Variants in MGAT4C observed in about 807,000 individuals in gnomAD.
The protein encoded by MGAT4C is alpha-1,3-mannosyl-glycoprotein 4-beta-N-acetylglucosaminyltransferase C.
MGAT4C carries 19 observed loss-of-function variants against 40.1 expected under a neutral mutation model. The ratio of observed to expected loss-of-function variants is 0.47; its 90% CI spans 0.33 to 0.70. The LOEUF is 0.70. Ranked by LOEUF, MGAT4C falls within the 30% of genes least tolerant of loss-of-function variation. MGAT4C has a pLI of 0.02. For missense variants in MGAT4C, 491 were observed against 563.2 expected, an observed-to-expected ratio of 0.87 and a Z score of 1.30; for synonymous variants, 181 against 187.1, an observed-to-expected ratio of 0.97 and a Z score of 0.27.
intron 1 of MGAT4C, among the ~76,000 whole-genome samples, chr12:86,116,124 A>T (rs186017912): frequency 5.9e-5 from 9 of 152,080 alleles, no homozygotes; most frequent in Admixed American, 5.3e-4. Context: ...CAACTATAGC[A>T]GGAAAAATGA....
rs983906533 is a variant in MGAT4C at position 86,631,673 on chromosome 12, A to C, written c.-229+95536T>G. Among the ~76,000 whole-genome samples, 20 of 152,068 alleles carry C rather than the reference A, an allele frequency of 1.3e-4. 1 individual carries two copies. The highest frequency in any genetic ancestry group is 4.4e-4 in the African/African-American group (18 of 41,348). On this transcript the variant is annotated intron_variant, in intron 2 of 7. Transcript: ENST00000548651. ...ATGGGGAAAGGATTCCCTATTTAATAAATGGTGCTGGGAAAACTGGCTAGC... is the reference window on the plus strand; with the variant it reads ...ATGGGGAAAGGATTCCCTATTTAATCAATGGTGCTGGGAAAACTGGCTAGC...
intron 2 of MGAT4C, among the ~76,000 whole-genome samples, chr12:86,635,837 A>T (rs1963203080): frequency 6.6e-6 from 1 of 151,192 alleles, no homozygotes. Context: ...AACCATGTTC[A>T]GGTAATTTTT....
At chr12:86,519,887 G>C (rs1041024717) in intron 2 of MGAT4C, among the ~76,000 whole-genome samples, 3 of 151,956 alleles carry the variant, frequency 2.0e-5, no homozygotes, top group Non-Finnish European at 2.9e-5. Flanking sequence ...TTGTGCATAA[G>C]ATTTTTTAGC....
intron 3 of MGAT4C, among the ~76,000 whole-genome samples, chr12:86,432,627 A>AT (rs1957061711): frequency 6.6e-6 from 1 of 152,042 alleles, no homozygotes; most frequent in African/African-American, 2.4e-5. Context: ...AGGCAAAAGA[A>AT]CACAGGGGAA....
chr12:86,482,788 G>A (rs779276854), intron 2 of MGAT4C, among the ~76,000 whole-genome samples: 19 of 152,136 alleles, frequency 1.2e-4, no homozygotes, highest in Non-Finnish European at 2.2e-4. Context: ...ATGATACAAC[G>A]CATAATTTTC....
chr12:86,486,644 T>C (rs1017341264), intron 2 of MGAT4C, among the ~76,000 whole-genome samples: 31 of 152,228 alleles, frequency 2.0e-4, no homozygotes, highest in Middle Eastern at 6.8e-3. Context: ...CTTTAATAAT[T>C]CACTGATGGC....
At chr12:86,489,335 A>G (rs1224015098) in intron 2 of MGAT4C, among the ~76,000 whole-genome samples, 1 of 151,898 alleles carries the variant, frequency 6.6e-6, no homozygotes, top group Non-Finnish European at 1.5e-5. Flanking sequence ...TACATTCATC[A>G]CCTTTCAGTT....
chr12:86,195,604 C>T (rs941937514), intron 1 of MGAT4C, among the ~76,000 whole-genome samples: 12 of 152,102 alleles, frequency 7.9e-5, no homozygotes, highest in African/African-American at 2.9e-4. Context: ...CTGATTCTAT[C>T]ACACACAGAT....
intron 2 of MGAT4C, among the ~76,000 whole-genome samples, chr12:86,696,063 T>A (rs548597014): frequency 6.6e-6 from 1 of 151,774 alleles, no homozygotes; most frequent in East Asian, 2.0e-4. Flanking sequence ...TACAAAAAAA[T>A]TAGCTGGGCG....
intron 2 of MGAT4C, among the ~76,000 whole-genome samples, chr12:86,694,068 T>C (rs145291545): frequency 1.3e-5 from 2 of 152,308 alleles, no homozygotes; most frequent in African/African-American, 4.8e-5. Context: ...TCTAAATTAT[T>C]CTGCCACATG....
At chr12:86,401,258 A>ATG (rs1292765324) in intron 3 of MGAT4C, among the ~76,000 whole-genome samples, 27 of 147,900 alleles carry the variant, frequency 1.8e-4, no homozygotes, top group African/African-American at 6.8e-4. Context: ...TAACATATAT[A>ATG]TATGTGTGTG....
chr12:86,120,537 G>T (rs4277182), intron 1 of MGAT4C, among the ~76,000 whole-genome samples: 2 of 152,144 alleles, frequency 1.3e-5, no homozygotes, highest in African/African-American at 4.8e-5. Context: ...CCTCTGAGAC[G>T]AAGCTTCCAG....
At chr12:86,801,042 G>A (rs1490351946) in intron 1 of MGAT4C, among the ~76,000 whole-genome samples, 1 of 151,860 alleles carries the variant, frequency 6.6e-6, no homozygotes, top group Non-Finnish European at 1.5e-5. Context: ...CTAGAACCTT[G>A]ACCTCCAGCC....
chr12:86,774,374 C>CTTTA, intron 1 of MGAT4C, among the ~76,000 whole-genome samples: 1 of 80,594 alleles, frequency 1.2e-5, no homozygotes, highest in East Asian at 3.3e-4. Flanking sequence ...CTCTCTCTTT[C>CTTTA]TGTCTGTCTC....
chr12:86,739,133 C>CAAAAAAAAAAAAAAAAAAAAAA (rs59869666), intron 1 of MGAT4C, among the ~76,000 whole-genome samples: 3 of 39,786 alleles, frequency 7.5e-5, no homozygotes, highest in Non-Finnish European at 1.3e-4. Flanking sequence ...TTTCCCTGTG[C>CAAAAAAAAAAAAAAAAAAAAAA]AAAAAAAAAA....
chr12:86,224,239 A>C (rs990432808), intron 1 of MGAT4C, among the ~76,000 whole-genome samples: 1 of 152,334 alleles, frequency 6.6e-6, no homozygotes, highest in East Asian at 1.9e-4. Flanking sequence ...ATATAATGAT[A>C]AAGAGATCAA....
At chr12:86,401,001 TAGA>T (rs1341863715) in intron 3 of MGAT4C, among the ~76,000 whole-genome samples, 7 of 152,210 alleles carry the variant, frequency 4.6e-5, no homozygotes, top group Non-Finnish European at 7.4e-5. Context: ...TTGAATAAAT[TAGA>T]AGGAGAGACT....
intron 2 of MGAT4C, among the ~76,000 whole-genome samples, chr12:86,467,962 C>T (rs2136301082): frequency 6.6e-6 from 1 of 152,190 alleles, no homozygotes; most frequent in South Asian, 2.1e-4. Flanking sequence ...TCTTTTTCCA[C>T]ATCATTAATA....
chr12:86,436,759 G>A (rs1307849449), intron 2 of MGAT4C, among the ~76,000 whole-genome samples: 1 of 151,694 alleles, frequency 6.6e-6, no homozygotes, highest in Non-Finnish European at 1.5e-5. Flanking sequence ...TTCAATTGGA[G>A]AATAGGCATT....
Sources: allele counts gnomAD v4.1 joint callset (sites outside exome capture counted in the v4.1 genomes callset), GRCh38; gene constraint gnomAD v4.1.1; transcripts MANE v1.5; gene names NCBI Gene and HGNC (gene_info 2026-07-23, HGNC 2026-07-21).